The following PARD3B variants were observed in gnomAD, a reference collection of about 807,000 sequenced individuals.
PARD3B encodes partitioning defective 3 homolog B.
PARD3B carries 103 observed loss-of-function variants against 130.2 expected under a neutral mutation model. The ratio of observed to expected loss-of-function variants is 0.79; its 90% CI spans 0.67 to 0.93. The LOEUF (loss-of-function observed/expected upper bound fraction) is 0.93, where lower values mean the gene tolerates loss of function less well. PARD3B is among the 40% of genes least tolerant of loss of function. The pLI is 0.00. For missense variants in PARD3B, 1,609 were observed against 1,499.2 expected (o/e 1.07, Z -1.21); for synonymous variants, 583 against 553.2 (o/e 1.05, Z -0.76).
intron 3 of PARD3B, among the ~76,000 whole-genome samples, chr2:205,002,987 T>G (rs1694966360): frequency 6.6e-6 from 1 of 152,146 alleles, no homozygotes; most frequent in African/African-American, 2.4e-5. Context: ...TGGTCGAAGG[T>G]TGTTCCAGGC....
rs2042765000 is a variant in PARD3B at position 205,321,915 on chromosome 2, C to A, written c.2630+20214C>A. ...AGGTGCAAATATCCTTGTGATAAAG[C>A]GTCGGTAACCATTAAATTTGGTGCA... is the stretch of plus-strand genomic sequence containing the variant. On this transcript the variant is annotated intron_variant, in intron 18 of 22. Transcript: ENST00000406610. The surrounding 1 kb of genome is among the most constrained non-coding windows in gnomAD (Gnocchi z 4.2). Among the ~76,000 whole-genome samples, 1 of 152,130 alleles carries A rather than the reference C, an allele frequency of 6.6e-6. No homozygotes were observed. Among genetic ancestry groups the A allele is most frequent in the Admixed American group, 6.5e-5 (1 of 15,272 alleles).
At chr2:204,712,995 C>A (rs1367320414) in intron 2 of PARD3B, among the ~76,000 whole-genome samples, 1 of 152,058 alleles carries the variant, frequency 6.6e-6, no homozygotes, top group Non-Finnish European at 1.5e-5. Flanking sequence ...TTTTTGGATT[C>A]ATCCACATTC....
At chr2:204,793,198 AAAAC>A (rs1184361332) in intron 2 of PARD3B, among the ~76,000 whole-genome samples, 1 of 152,160 alleles carries the variant, frequency 6.6e-6, no homozygotes, top group Non-Finnish European at 1.5e-5. Context: ...CTCTTTGACA[AAAAC>A]AAAGTTTTCG....
At position 205,379,896 on chromosome 2, in the gene PARD3B, C is replaced by T. The variant is rs1475012649; in HGVS notation, c.2631-21117C>T. ...CATCTTGGCTAATATGGTGAAACCC[C>T]GTGTCTACTAAAAATATAAAAATTA... is the stretch of plus-strand genomic sequence containing the variant. On this transcript the variant is annotated intron_variant, in intron 18 of 22. Transcript: ENST00000406610. Among the ~76,000 whole-genome samples the T allele has an allele frequency of 2.6e-5, 4 of 150,970 alleles. No individual in the cohort carries two copies. In the East Asian group the frequency reaches 5.8e-4, roughly 22 times the overall value.
intron 4 of PARD3B, among the ~76,000 whole-genome samples, chr2:205,099,405 T>C (rs1702600503): frequency 6.6e-6 from 1 of 152,192 alleles, no homozygotes; most frequent in Non-Finnish European, 1.5e-5. Flanking sequence ...TTTTTCTACC[T>C]TTCCTTCCAA....
At chr2:205,137,879 G>A (rs995831920) in intron 10 of PARD3B, among the ~76,000 whole-genome samples, 3 of 152,228 alleles carry the variant, frequency 2.0e-5, no homozygotes, top group Non-Finnish European at 4.4e-5. Flanking sequence ...CTTAACTTTG[G>A]AAGTTGCACT....
intron 2 of PARD3B, among the ~76,000 whole-genome samples, chr2:204,836,435 C>T (rs984973655): frequency 1.9e-4 from 29 of 152,052 alleles, no homozygotes; most frequent in Non-Finnish European, 7.4e-5. Flanking sequence ...GGCCAAGGCA[C>T]GTGAATTGCC....
Position 205,473,392 on chromosome 2 carries a change from T to C in PARD3B, c.3045-26504T>C, listed in dbSNP as rs981503230. ...ACCAACAAAGTAATGAGATTCTGTG[T>C]TATGGTAGCTGTCACATCTTGTCTC... On this transcript the variant is annotated intron_variant, in intron 20 of 22. Transcript: ENST00000406610. This position sits in a 1 kb window ranked among gnomAD's most constrained non-coding sequence, Gnocchi z 4.9. Among the ~76,000 whole-genome samples the C allele has an allele frequency of 6.6e-6, 1 of 152,046 alleles. No individual in the cohort carries two copies. The highest frequency in any genetic ancestry group is 1.5e-5 in the Non-Finnish European group (1 of 67,956).
intron 18 of PARD3B, among the ~76,000 whole-genome samples, chr2:205,349,821 A>T (rs849251): frequency 0.9 from 93,174 of 103,066 alleles, 41,905 homozygotes; most frequent in East Asian, 0.97. Context: ...TTTTTTTTTT[A>T]AAAAAAGAGG....
chr2:205,491,589 G>A (rs1019860875), intron 20 of PARD3B, among the ~76,000 whole-genome samples: 6 of 152,204 alleles, frequency 3.9e-5, no homozygotes, highest in South Asian at 4.2e-4. Flanking sequence ...TTGGCAATGC[G>A]GGCTCTTTTT....
At chr2:205,107,358 T>C (rs1269979434) in intron 5 of PARD3B, among the ~76,000 whole-genome samples, 1 of 152,220 alleles carries the variant, frequency 6.6e-6, no homozygotes, top group East Asian at 1.9e-4. Flanking sequence ...CTGTGCAATC[T>C]TGGACTAATT....
chr2:204,547,543 A>G (rs2030079004), intron 1 of PARD3B, among the ~76,000 whole-genome samples: 1 of 152,216 alleles, frequency 6.6e-6, no homozygotes, highest in Non-Finnish European at 1.5e-5. Flanking sequence ...CATGTAATTC[A>G]GTTAACTGAT....
At chr2:204,801,745 G>A (rs1037852170) in intron 2 of PARD3B, among the ~76,000 whole-genome samples, 1 of 152,176 alleles carries the variant, frequency 6.6e-6, no homozygotes, top group African/African-American at 2.4e-5. Flanking sequence ...ATACTATGTT[G>A]AATAGGAGTG....
chr2:205,364,842 G>A (rs1048716018), intron 18 of PARD3B, among the ~76,000 whole-genome samples: 33 of 152,304 alleles, frequency 2.2e-4, no homozygotes, highest in African/African-American at 7.5e-4. Flanking sequence ...TTCTCAAGAA[G>A]CATGGAAGGT....
chr2:205,212,391 A>C (rs2037692183), intron 15 of PARD3B, among the ~76,000 whole-genome samples: 1 of 152,100 alleles, frequency 6.6e-6, no homozygotes, highest in Admixed American at 6.6e-5. Context: ...TGATCACAGA[A>C]ACTTTGAGTA....
Position 205,034,843 on chromosome 2 carries a change from A to G in PARD3B, c.395-12738A>G, listed in dbSNP as rs13432515. On this transcript the variant is annotated intron_variant, in intron 3 of 22. Transcript: ENST00000406610. ...ACTTTTTTCTCTATAATTTTTGGCCATGTGTTCTTTTTTTGTTGTTGTTTG... is the reference window on the plus strand; with the variant it reads ...ACTTTTTTCTCTATAATTTTTGGCCGTGTGTTCTTTTTTTGTTGTTGTTTG... 2.4e-3 allele frequency among the ~76,000 whole-genome samples: 372 copies of G among 152,038 alleles called. 3 individuals carry two copies. Among genetic ancestry groups the G allele is most frequent in the African/African-American group, 8.7e-3 (360 of 41,484 alleles).
intron 19 of PARD3B, among the ~76,000 whole-genome samples, chr2:205,408,757 A>G (rs1030974354): frequency 1.3e-5 from 2 of 152,174 alleles, no homozygotes; most frequent in African/African-American, 4.8e-5. Context: ...TTTTGGCATG[A>G]TTACATACAC....
chr2:205,470,391 C>T lies in PARD3B; in HGVS notation c.3045-29505C>T, dbSNP rs1212890324. Among the ~76,000 whole-genome samples the T allele has an allele frequency of 6.6e-6, 1 of 152,128 alleles. No homozygotes were observed. Among genetic ancestry groups the T allele is most frequent in the Non-Finnish European group, 1.5e-5 (1 of 68,034 alleles). ...TCTGACTGTCTTCAGACCTCTTCAC[C>T]AATTTCTTTGTTAACCACAGTGCCC... On this transcript the variant is annotated intron_variant, in intron 20 of 22. Coordinates refer to ENST00000406610, the MANE Select transcript of PARD3B (RefSeq NM_001302769.2). This position sits in a 1 kb window ranked among gnomAD's most constrained non-coding sequence, Gnocchi z 4.8.
intron 11 of PARD3B, among the ~76,000 whole-genome samples, chr2:205,162,973 A>G (rs1576019148): frequency 6.6e-6 from 1 of 152,172 alleles, no homozygotes; most frequent in South Asian, 2.1e-4. Flanking sequence ...AAATTTTTAC[A>G]TCTATGGACT....
Sources: gnomAD v4.1 joint callset for allele counts (sites outside exome capture counted in the v4.1 genomes callset) on GRCh38, gnomAD v4.1.1 for gene constraint, Gnocchi (gnomAD v3.1) non-coding constraint, MANE v1.5 for transcripts, NCBI Gene and HGNC (gene_info 2026-07-23, HGNC 2026-07-21) for gene names.